ANKRD62: variants seen among roughly 807,000 people sequenced by gnomAD.
ANKRD62 encodes ankyrin repeat domain 62.
Under a neutral mutation model 98.8 loss-of-function variants are expected in ANKRD62, and 61 were observed. The observed-to-expected ratio is 0.62, with a 90% CI of 0.50 to 0.76. ANKRD62 has a LOEUF of 0.76. Among genes scored for constraint, ANKRD62 ranks in the 30% least tolerant of loss-of-function variants. ANKRD62 has a pLI of 0.00. For missense variants in ANKRD62, 933 were observed against 1,082.9 expected (o/e 0.86, Z 1.94); for synonymous variants, 341 against 367.9 (o/e 0.93, Z 0.84).
chr18:12,110,449 A>T (rs557956758), intron 8 of ANKRD62, among the ~76,000 whole-genome samples: 1 of 152,348 alleles, frequency 6.6e-6, no homozygotes, highest in East Asian at 1.9e-4. Flanking sequence ...TAAAAATGCC[A>T]TATGTGTATA....
At chr18:12,101,774 C>G (rs902789204) in intron 6 of ANKRD62, among the ~76,000 whole-genome samples, 1 of 152,170 alleles carries the variant, frequency 6.6e-6, no homozygotes. Context: ...ATTAACTCAC[C>G]GCAATACAAA....
the ANKRD62 span, among the ~76,000 whole-genome samples, chr18:12,155,083 G>GT: frequency 6.6e-6 from 1 of 152,162 alleles, no homozygotes; most frequent in Non-Finnish European, 1.5e-5. Context: ...GTTTACCTGT[G>GT]TAACAAACCT....
At chr18:12,118,006 C>G (rs1384933639) in intron 10 of ANKRD62, among the ~76,000 whole-genome samples, 1 of 152,216 alleles carries the variant, frequency 6.6e-6, no homozygotes, top group African/African-American at 2.4e-5. Flanking sequence ...TAGCCTCCCT[C>G]CTTATCAGTA....
chr18:12,153,173 A>T, the ANKRD62 span, among the ~76,000 whole-genome samples: 3 of 152,248 alleles, frequency 2.0e-5, no homozygotes, highest in African/African-American at 7.2e-5. Flanking sequence ...CAAATGTAAA[A>T]GCTAAAAAAC....
chr18:12,134,603 C>T (rs1910053223), downstream of ANKRD62, among the ~76,000 whole-genome samples: 1 of 152,136 alleles, frequency 6.6e-6, no homozygotes. Flanking sequence ...CAGTTCCCAC[C>T]TATGAGTGAG....
chr18:12,097,838 A>G lies in ANKRD62; in HGVS notation c.752+61A>G, dbSNP rs1013396414. On this transcript the variant is annotated intron_variant, in intron 5 of 13. Coordinates refer to ENST00000587848, the MANE Select transcript of ANKRD62 (RefSeq NM_001277333.2). ...GGTTTAAAGTCATTGTAACCATTGC[A>G]TCTTATATATCAAGTGAGATTTCAT... is the stretch of plus-strand genomic sequence containing the variant. The G allele has an allele frequency of 3.3e-6, 5 of 1,500,272 alleles. No homozygotes were observed. The South Asian group carries it at 5.2e-5, about 15-fold the overall frequency. 92.9% of individuals were successfully genotyped at this position (1,500,272 alleles called of 1,614,324 possible).
the ANKRD62 span, among the ~76,000 whole-genome samples, chr18:12,171,847 C>CT: frequency 6.6e-6 from 1 of 152,084 alleles, no homozygotes. Context: ...TCTTTTTACC[C>CT]TTTTTTCTCT....
chr18:12,103,267 G>C (rs1465240706), intron 7 of ANKRD62, 39 bp downstream of exon 7: 1 of 1,239,908 alleles, frequency 8.1e-7, no homozygotes, highest in African/African-American at 1.6e-5. Flanking sequence ...GGTTTTCTTT[G>C]GTAATGTAGC....
chr18:12,129,235 T>C lies in ANKRD62; in HGVS notation c.*1296T>C, dbSNP rs796858147. The C allele has an allele frequency of 1.1e-4, 16 of 152,284 alleles. No individual in the cohort carries two copies. Among genetic ancestry groups the C allele is most frequent in the African/African-American group, 3.6e-4 (15 of 41,542 alleles). 9.4% of individuals were successfully genotyped at this position (152,284 alleles called of 1,614,324 possible). ...TACCAATTTTGTAAATTTGAGTATC[T>C]GATAAAATAGAAATTAGAAAAGAAA... On this transcript the variant is annotated 3_prime_UTR_variant, in exon 14 of 14. Transcript: ENST00000587848.
intron 3 of ANKRD62, 104 bp from the exon 4 acceptor site, chr18:12,096,092 T>C: frequency 1.3e-6 from 1 of 790,368 alleles, no homozygotes; most frequent in Non-Finnish European, 2.0e-6. Context: ...TTTTATTTAC[T>C]TTCTGCTTCA....
the ANKRD62 span, among the ~76,000 whole-genome samples, chr18:12,174,094 T>A: frequency 1.3e-5 from 2 of 152,222 alleles, no homozygotes; most frequent in Non-Finnish European, 2.9e-5. Context: ...GTATTCCAAG[T>A]TGCTTCCATT....
rs551310872 is a variant in ANKRD62, at chr18:12,127,061, C to G, written c.2562+678C>G. Among the ~76,000 whole-genome samples the G allele has an allele frequency of 2.6e-5, 4 of 152,290 alleles. No homozygotes were observed. The East Asian group carries it at 7.7e-4, about 29-fold the overall frequency. On this transcript the variant is annotated intron_variant, in intron 13 of 13. Transcript: ENST00000587848. Reference sequence around the variant, plus strand: ...TCTTCCCACTGGCATTTATAACTTACTTTCAATTTTTCAGTCAAAAATGTG... The same window carrying G: ...TCTTCCCACTGGCATTTATAACTTAGTTTCAATTTTTCAGTCAAAAATGTG...
downstream of ANKRD62, among the ~76,000 whole-genome samples, chr18:12,133,495 T>G: frequency 6.6e-6 from 1 of 152,214 alleles, no homozygotes. Flanking sequence ...AATTTTACAT[T>G]TCCACCAGCA....
chr18:12,130,779 G>A (rs988192179), downstream of ANKRD62, among the ~76,000 whole-genome samples: 4 of 151,630 alleles, frequency 2.6e-5, no homozygotes, highest in Non-Finnish European at 5.9e-5. Flanking sequence ...TGCAACCTCT[G>A]CCTCCCAGGT....
rs540412851 is a variant in ANKRD62, at chr18:12,127,839, G to A, written c.2654G>A (p.Arg885His). The change falls in exon 14 of 14, where the codon CGT becomes CAT. Residue 885 changes from arginine to histidine, a missense_variant. Physicochemically the swap from Arg to His is conservative, Grantham distance 29. Transcript: ENST00000587848. Reference sequence around the variant, plus strand: ...ATGCTAGAGATTTCATCAGAACGTCGTATTAATTTAGAAGATGAGGCACAA... The same window carrying A: ...ATGCTAGAGATTTCATCAGAACGTCATATTAATTTAGAAGATGAGGCACAA... Reference protein sequence around the residue: ...EAMLEISSERRINLEDEAQSL... With the variant: ...EAMLEISSERHINLEDEAQSL... 61 of 1,524,454 alleles carry A rather than the reference G, an allele frequency of 4.0e-5. No homozygotes were observed. The highest frequency in any genetic ancestry group is 4.8e-5 in the Non-Finnish European group (55 of 1,142,286). The allele number at this position is 1,524,454 out of a possible 1,614,324, so 94.4% of individuals were successfully genotyped here. A position where few individuals can be genotyped will look rare whatever the true frequency, so the allele number is the denominator to read the frequency against.
chr18:12,132,511 G>T (rs1020209203), downstream of ANKRD62, among the ~76,000 whole-genome samples: 5 of 151,606 alleles, frequency 3.3e-5, no homozygotes, highest in African/African-American at 1.2e-4. Flanking sequence ...GCTCGAATTT[G>T]CAGTACAGTG....
At chr18:12,176,333 C>T in the ANKRD62 span, among the ~76,000 whole-genome samples, 1 of 144,744 alleles carries the variant, frequency 6.9e-6, no homozygotes, top group Non-Finnish European at 1.5e-5. Context: ...TTTGAGAGTG[C>T]ATTCTAATCA....
chr18:12,171,713 G>A, the ANKRD62 span, among the ~76,000 whole-genome samples: 4 of 152,154 alleles, frequency 2.6e-5, no homozygotes, highest in Admixed American at 2.0e-4. Context: ...AAGTTCTCCT[G>A]GGTAATATCC....
the ANKRD62 span, among the ~76,000 whole-genome samples, chr18:12,159,353 T>C: frequency 6.6e-6 from 1 of 152,200 alleles, no homozygotes; most frequent in Non-Finnish European, 1.5e-5. Context: ...TGTTCTATCC[T>C]GAAAAATCAT....
Sources: allele counts gnomAD v4.1 joint callset (sites outside exome capture counted in the v4.1 genomes callset), GRCh38; gene constraint gnomAD v4.1.1; transcripts MANE v1.5; gene names NCBI Gene and HGNC (gene_info 2026-07-23, HGNC 2026-07-21).